Variants in OIP5 observed in about 807,000 individuals in gnomAD.
OIP5 encodes Opa interacting protein 5.
A neutral mutation model predicts 20.3 loss-of-function variants in OIP5; 24 were observed. That is an observed-to-expected ratio of 1.18 (90% CI 0.86 to 1.66). OIP5 has a LOEUF of 1.66. OIP5 is among the 40% of genes most tolerant of loss of function. The pLI, the probability that OIP5 is intolerant of heterozygous loss-of-function variation, is 0.00. For missense variants in OIP5, 339 were observed against 289.5 expected, an observed-to-expected ratio of 1.17 and a Z score of -1.24; for synonymous variants, 143 against 121.3, an observed-to-expected ratio of 1.18 and a Z score of -1.17.
At chr15:41,322,779 A>T (rs1184371905) in intron 2 of OIP5, among the ~76,000 whole-genome samples, 1 of 152,052 alleles carries the variant, frequency 6.6e-6, no homozygotes, top group Non-Finnish European at 1.5e-5. Flanking sequence ...TACTAAAAAT[A>T]AAAAAATTAG....
intron 3 of OIP5, among the ~76,000 whole-genome samples, chr15:41,318,076 A>G (rs988442172): frequency 1.3e-5 from 2 of 152,192 alleles, no homozygotes; most frequent in African/African-American, 4.8e-5. Flanking sequence ...TTAGAGGGAG[A>G]GAGAGGCTGG....
chr15:41,331,183 T>C lies in OIP5; in HGVS notation c.389+732A>G, dbSNP rs573904943. On this transcript the variant is annotated intron_variant, in intron 2 of 4. Coordinates refer to ENST00000220514, the MANE Select transcript of OIP5 (RefSeq NM_007280.2). Reference sequence around the variant, plus strand: ...TCAATGTTAAAGCCAAAACTCAAAATTGAGGAGCCTTGCAATACCAAATTC... The same window carrying C: ...TCAATGTTAAAGCCAAAACTCAAAACTGAGGAGCCTTGCAATACCAAATTC... Among the ~76,000 whole-genome samples, 13 of 152,270 alleles carry C rather than the reference T, an allele frequency of 8.5e-5. No individual in the cohort carries two copies. In the South Asian group the frequency reaches 2.5e-3, roughly 29 times the overall value.
At chr15:41,320,773 C>T (rs1379703412) in intron 2 of OIP5, among the ~76,000 whole-genome samples, 2 of 151,882 alleles carry the variant, frequency 1.3e-5, no homozygotes, top group Non-Finnish European at 2.9e-5. Context: ...GCCCCTCTGC[C>T]TGGCTGCCCA....
Position 41,331,925 on chromosome 15 carries a change from G to C in OIP5, c.379C>G (p.Leu127Val), listed in dbSNP as rs1169304386. 6.2e-7 allele frequency: 1 copy of C among 1,613,754 alleles called. No homozygotes were observed. The highest frequency in any genetic ancestry group is 8.5e-7 in the Non-Finnish European group (1 of 1,179,794). ...ATTATCAATACGTACCTGCCTTTGA[G>C]TGAACCTTCAATGCCAACTAGGAAG... is the stretch of plus-strand genomic sequence containing the variant. The part of the protein sequence containing the change: ...APFLVGIEGS[L>V]KGSTYNLLFC... Residue 127 changes from leucine to valine, a missense_variant, in exon 2 of 5, where the codon CTC becomes GTC. Coordinates refer to ENST00000220514, the MANE Select transcript of OIP5 (RefSeq NM_007280.2).
At chr15:41,329,007 A>C (rs1413472044) in intron 2 of OIP5, among the ~76,000 whole-genome samples, 5 of 141,338 alleles carry the variant, frequency 3.5e-5, no homozygotes, top group Non-Finnish European at 6.0e-5. Context: ...CGGAGGTTGC[A>C]GCGAGCCAAG....
At chr15:41,330,473 C>G (rs988673606) in intron 2 of OIP5, among the ~76,000 whole-genome samples, 2 of 147,892 alleles carry the variant, frequency 1.4e-5, no homozygotes, top group African/African-American at 2.5e-5. Context: ...GGCGCAATCT[C>G]GGTCACTGCA....
chr15:41,325,849 C>CA (rs35329564), intron 2 of OIP5, among the ~76,000 whole-genome samples: 39,005 of 98,486 alleles, frequency 0.4, 6,504 homozygotes, highest in African/African-American at 0.49. Flanking sequence ...GACTCCGTCT[C>CA]AAAAAAAAAA....
At chr15:41,323,985 C>CTT (rs869073906) in intron 2 of OIP5, among the ~76,000 whole-genome samples, 20,895 of 106,762 alleles carry the variant, frequency 0.2, 2,475 homozygotes, top group Non-Finnish European at 0.23. Flanking sequence ...CCAACCTCTG[C>CTT]TTTTTTTTTT....
chr15:41,319,993 T>G (rs993193002), intron 2 of OIP5, among the ~76,000 whole-genome samples: 2 of 152,194 alleles, frequency 1.3e-5, no homozygotes, highest in Non-Finnish European at 2.9e-5. Context: ...TATATTCTGG[T>G]CAAAGCAATC....
At chr15:41,318,555 T>C in intron 3 of OIP5, among the ~76,000 whole-genome samples, 1 of 152,176 alleles carries the variant, frequency 6.6e-6, no homozygotes, top group South Asian at 2.1e-4. Flanking sequence ...CTCAGCCTCC[T>C]GGGTAGCTAG....
rs558441404 is a variant in OIP5 at position 41,332,589 on chromosome 15, A to G, written c.-28T>C. ...TCCCGCAGCCGGCGCCTTCCTTTCG[A>G]ATACACGCCAGGCCCCGCCCCAAGC... is the stretch of plus-strand genomic sequence containing the variant. On this transcript the variant is annotated 5_prime_UTR_variant, in exon 1 of 5. Transcript: ENST00000220514. The G allele has an allele frequency of 1.6e-5, 26 of 1,577,884 alleles. No homozygotes were observed. In the Admixed American group the frequency reaches 2.2e-4, roughly 13 times the overall value.
At chr15:41,331,273 A>G (rs1470942811) in intron 2 of OIP5, among the ~76,000 whole-genome samples, 3 of 152,258 alleles carry the variant, frequency 2.0e-5, no homozygotes, top group African/African-American at 7.2e-5. Flanking sequence ...ACCAGGCAGT[A>G]TTCAAGTACA....
chr15:41,326,108 G>A (rs1408351009), intron 2 of OIP5, among the ~76,000 whole-genome samples: 1 of 152,172 alleles, frequency 6.6e-6, no homozygotes, highest in East Asian at 1.9e-4. Flanking sequence ...GTTTCAGTGA[G>A]CCGAGATAAT....
chr15:41,330,207 C>T (rs2047888792), intron 2 of OIP5, among the ~76,000 whole-genome samples: 1 of 151,970 alleles, frequency 6.6e-6, no homozygotes, highest in Non-Finnish European at 1.5e-5. Context: ...TCTCCCTCCT[C>T]AGCCTCCTGG....
Position 41,309,444 on chromosome 15 carries a change from G to A in OIP5, c.*310C>T. The A allele has an allele frequency of 4.8e-6, 1 of 210,436 alleles. No homozygotes were observed. Among genetic ancestry groups the A allele is most frequent in the Non-Finnish European group, 9.5e-6 (1 of 104,890 alleles). The allele number at this position is 210,436 out of a possible 1,614,324, so 13.0% of individuals were successfully genotyped here. On this transcript the variant is annotated 3_prime_UTR_variant, in exon 5 of 5. Coordinates refer to ENST00000220514, the MANE Select transcript of OIP5 (RefSeq NM_007280.2). Reference sequence around the variant, plus strand: ...ACCAACCATGCAACTTTAGATCAGAGGACACATGGGACTCTGCATCTTAAT... The same window carrying A: ...ACCAACCATGCAACTTTAGATCAGAAGACACATGGGACTCTGCATCTTAAT...
chr15:41,330,254 C>A (rs2047889403), intron 2 of OIP5, among the ~76,000 whole-genome samples: 1 of 151,954 alleles, frequency 6.6e-6, no homozygotes, highest in South Asian at 2.1e-4. Flanking sequence ...CATGTGCCAC[C>A]ATGCCCGGCT....
chr15:41,324,681 G>A (rs575599427), intron 2 of OIP5, among the ~76,000 whole-genome samples: 4 of 152,034 alleles, frequency 2.6e-5, no homozygotes, highest in Admixed American at 2.0e-4. Flanking sequence ...TAGAGATGGG[G>A]TTTCACCATG....
chr15:41,319,541 A>G (rs2047809830), intron 3 of OIP5, 117 bp downstream of exon 3: 1 of 1,042,520 alleles, frequency 9.6e-7, no homozygotes, highest in African/African-American at 1.6e-5. Context: ...GGCATAAGCC[A>G]CTGTGCTCAG....
At position 41,309,583 on chromosome 15, in the gene OIP5, A is replaced by T. The variant is rs2047741074; in HGVS notation, c.*171T>A. The T allele has an allele frequency of 1.6e-5, 8 of 501,530 alleles. No individual in the cohort carries two copies. In the South Asian group the frequency reaches 2.4e-4, roughly 15 times the overall value. The allele number at this position is 501,530 out of a possible 1,614,324, so 31.1% of individuals were successfully genotyped here. The stretch of plus-strand genomic sequence containing the variant: ...AAAAGAGAAGAATCCTTAGTCTCTC[A>T]TCTTCTAAAAACAGCTTCACAAATA... On this transcript the variant is annotated 3_prime_UTR_variant, in exon 5 of 5. Transcript: ENST00000220514.
Sources: allele counts gnomAD v4.1 joint callset (sites outside exome capture counted in the v4.1 genomes callset), GRCh38; gene constraint gnomAD v4.1.1; transcripts MANE v1.5; gene names NCBI Gene and HGNC (gene_info 2026-07-23, HGNC 2026-07-21).